GOLM2: variants seen among roughly 807,000 people sequenced by gnomAD.
The protein encoded by GOLM2 is protein GOLM2.
Under a neutral mutation model 55.9 loss-of-function variants are expected in GOLM2, and 26 were observed. That is an observed-to-expected ratio of 0.47 (90% confidence interval 0.34 to 0.65). GOLM2 has a LOEUF of 0.65. Ranked by LOEUF, GOLM2 falls within the 30% of genes least tolerant of loss-of-function variation. GOLM2 has a pLI of 0.01. For synonymous variants in GOLM2, 165 were observed against 194.6 expected (o/e 0.85, Z 1.27); for missense variants, 486 against 531.8 (o/e 0.91, Z 0.85).
chr15:44,388,137 T>C (rs1382097352), intron 8 of GOLM2, among the ~76,000 whole-genome samples: 1 of 151,130 alleles, frequency 6.6e-6, no homozygotes, highest in Admixed American at 6.6e-5. Flanking sequence ...TTAGCTGGGC[T>C]TGTTGGTGCA....
intron 2 of GOLM2, 58 bp from the exon 3 acceptor site, chr15:44,328,627 A>G: frequency 8.9e-7 from 1 of 1,120,732 alleles, no homozygotes. Context: ...TAGCTTCTGA[A>G]TAGGAAGCAT....
At chr15:44,350,305 T>G (rs886977053) in intron 6 of GOLM2, among the ~76,000 whole-genome samples, 9 of 152,144 alleles carry the variant, frequency 5.9e-5, no homozygotes, top group African/African-American at 2.2e-4. Context: ...CAATAGATAC[T>G]GCAGAAATTC....
At chr15:44,380,705 A>G (rs1289914192) in intron 7 of GOLM2, 101 bp from the exon 8 acceptor site, 3 of 859,892 alleles carry the variant, frequency 3.5e-6, no homozygotes, top group Non-Finnish European at 4.8e-6. Flanking sequence ...CCAATGTTAA[A>G]CAATAGTGTG....
chr15:44,393,832 C>T (rs1267097336), intron 8 of GOLM2, among the ~76,000 whole-genome samples: 6 of 152,150 alleles, frequency 3.9e-5, no homozygotes, highest in African/African-American at 1.4e-4. Context: ...GCTGAGATTA[C>T]AGGTGCATGC....
chr15:44,340,628 A>G (rs540293870), intron 6 of GOLM2, among the ~76,000 whole-genome samples: 1 of 152,212 alleles, frequency 6.6e-6, no homozygotes, highest in African/African-American at 2.4e-5. Context: ...CCTGTTAGAC[A>G]TGCAAATTCT....
rs1246865743 is a variant in GOLM2, at chr15:44,379,862, T to C, written c.901+74T>C. The C allele has an allele frequency of 1.2e-5, 10 of 817,122 alleles. No individual in the cohort carries two copies. In the Admixed American group the frequency reaches 2.2e-4, roughly 18 times the overall value. The allele number at this position is 817,122 out of a possible 1,614,324, so 50.6% of individuals were successfully genotyped here. On this transcript the variant is annotated intron_variant, in intron 7 of 9. Transcript: ENST00000299957. The stretch of plus-strand genomic sequence containing the variant: ...ATGTACAGTTATATAGTGTATAAAA[T>C]ATATCACTTAGCAGTATAGTGAAAT...
intron 9 of GOLM2, among the ~76,000 whole-genome samples, chr15:44,405,050 A>G (rs2079588970): frequency 6.6e-6 from 1 of 152,120 alleles, no homozygotes; most frequent in Admixed American, 6.6e-5. Flanking sequence ...ATTTTGATTT[A>G]ATATTTGTAT....
chr15:44,328,811 G>T, intron 3 of GOLM2, 24 bp downstream of exon 3: 3 of 1,430,174 alleles, frequency 2.1e-6, no homozygotes, highest in East Asian at 4.9e-5. Context: ...TGCAACATAT[G>T]TTTATGAATC....
chr15:44,294,483 G>A (rs1288307093), intron 1 of GOLM2, among the ~76,000 whole-genome samples: 2 of 151,876 alleles, frequency 1.3e-5, no homozygotes, highest in Non-Finnish European at 2.9e-5. Flanking sequence ...GGGAGGCCGA[G>A]GTGGGCAGAT....
At chr15:44,338,091 A>C in intron 5 of GOLM2, 146 bp from the exon 6 acceptor site, 1 of 945,728 alleles carries the variant, frequency 1.1e-6, no homozygotes, top group South Asian at 1.6e-5. Context: ...GTTATTTTAG[A>C]GTTACAGCTA....
intron 6 of GOLM2, among the ~76,000 whole-genome samples, chr15:44,374,335 C>T (rs2079350018): frequency 6.6e-6 from 1 of 151,728 alleles, no homozygotes; most frequent in Non-Finnish European, 1.5e-5. Context: ...CTGTAGTGGT[C>T]GGATCTTGCA....
At position 44,413,440 on chromosome 15, in the gene GOLM2, C is replaced by G. The variant is rs2079651877; in HGVS notation, c.*34C>G. 6 of 1,456,010 alleles carry G rather than the reference C, an allele frequency of 4.1e-6. No individual in the cohort carries two copies. The highest frequency in any genetic ancestry group is 5.7e-6 in the Non-Finnish European group (6 of 1,046,716). The allele number at this position is 1,456,010 out of a possible 1,614,324, so 90.2% of individuals were successfully genotyped here. A position where few individuals can be genotyped will look rare whatever the true frequency, so the allele number is the denominator to read the frequency against. On this transcript the variant is annotated 3_prime_UTR_variant, in exon 10 of 10. Coordinates refer to ENST00000299957, the MANE Select transcript of GOLM2 (RefSeq NM_138423.4). ...GGAATGCTTCAGAAAACCTAAAGTG[C>G]TGTAAAATGAAATCATTCTACTTTG... is the stretch of plus-strand genomic sequence containing the variant.
intron 6 of GOLM2, among the ~76,000 whole-genome samples, chr15:44,340,283 T>C (rs1398195138): frequency 6.6e-6 from 1 of 152,030 alleles, no homozygotes; most frequent in African/African-American, 2.4e-5. Flanking sequence ...ATTACATATA[T>C]TTTTTTCAGA....
intron 6 of GOLM2, among the ~76,000 whole-genome samples, chr15:44,376,540 G>C (rs1420887218): frequency 1.3e-5 from 2 of 152,110 alleles, no homozygotes; most frequent in African/African-American, 2.4e-5. Flanking sequence ...GAGACACTGT[G>C]CTCAATCTGT....
intron 6 of GOLM2, among the ~76,000 whole-genome samples, chr15:44,355,845 G>A (rs1270456264): frequency 6.6e-6 from 1 of 151,882 alleles, no homozygotes; most frequent in East Asian, 1.9e-4. Flanking sequence ...GAATGGGAGG[G>A]GTCTAGAGAG....
At chr15:44,369,679 C>CAT (rs1206905117) in intron 6 of GOLM2, among the ~76,000 whole-genome samples, 2 of 114,370 alleles carry the variant, frequency 1.7e-5, no homozygotes, top group Non-Finnish European at 3.5e-5. Context: ...TATATACACA[C>CAT]ATATATATAT....
Position 44,341,789 on chromosome 15 carries a change from C to T in GOLM2, c.802+3472C>T, listed in dbSNP as rs530453537. ...TTGGCTCACTGCATCCTCGGCCTCC[C>T]GGGTTTAAGCAGTTCTCTGCCTCAG... On this transcript the variant is annotated intron_variant, in intron 6 of 9. Transcript: ENST00000299957. Among the ~76,000 whole-genome samples, 146 of 151,170 alleles carry T rather than the reference C, an allele frequency of 9.7e-4. 5 individuals are homozygous for T. The South Asian group carries it at 0.03, about 31-fold the overall frequency.
In GOLM2 at chr15:44,415,059, G is replaced by T. The variant is rs2141225353; in HGVS notation, c.*1653G>T. On this transcript the variant is annotated 3_prime_UTR_variant, in exon 10 of 10. Transcript: ENST00000299957. Reference sequence around the variant, plus strand: ...TCCCCTGTGTACTAACACATTCTAGGCAAAATTCAAACTTATAGTGGTAAA... The same window carrying T: ...TCCCCTGTGTACTAACACATTCTAGTCAAAATTCAAACTTATAGTGGTAAA... 1 of 152,594 alleles carries T rather than the reference G, an allele frequency of 6.6e-6. No homozygotes were observed. Among genetic ancestry groups the T allele is most frequent in the South Asian group, 2.1e-4 (1 of 4,828 alleles). 9.5% of individuals were successfully genotyped at this position (152,594 alleles called of 1,614,324 possible). A position where few individuals can be genotyped will look rare whatever the true frequency, so the allele number is the denominator to read the frequency against.
chr15:44,311,842 G>T (rs1029916739), intron 1 of GOLM2, among the ~76,000 whole-genome samples: 8 of 152,038 alleles, frequency 5.3e-5, no homozygotes, highest in African/African-American at 1.9e-4. Context: ...TATAGATGGG[G>T]TTTCACCATG....
Sources: allele counts gnomAD v4.1 joint callset (sites outside exome capture counted in the v4.1 genomes callset), GRCh38; gene constraint gnomAD v4.1.1; transcripts MANE v1.5; gene names NCBI Gene and HGNC (gene_info 2026-07-23, HGNC 2026-07-21).